The following PRDM16 variants were observed in gnomAD, a reference collection of about 807,000 sequenced individuals.
PRDM16 encodes the protein PR/SET domain 16, also known as histone-lysine N-methyltransferase PRDM16.
In PRDM16, 23 loss-of-function variants were observed where a neutral mutation model predicts 110.6. The observed-to-expected ratio is 0.21, with a 90% CI of 0.15 to 0.29. The LOEUF (loss-of-function observed/expected upper bound fraction) is 0.29. Among genes scored for constraint, PRDM16 ranks in the 10% least tolerant of loss-of-function variants. The probability of loss-of-function intolerance (pLI) is 1.00; values close to 1 mark genes in which losing one functional copy is unlikely to be tolerated. For synonymous variants in PRDM16, 799 were observed against 781.8 expected (o/e 1.02, Z -0.37); for missense variants, 1,615 against 1,794.3 (o/e 0.90, Z 1.81).
rs541707156 is a variant in PRDM16 at position 3,092,660 on chromosome 1, G to A, written c.37+23364G>A. On this transcript the variant is annotated intron_variant, in intron 1 of 16. Transcript: ENST00000270722. ...TCTGTGGAGGGGTCTGCACAACTTC[G>A]TGCTGGATGGCGCCTGGGTGCGGGG... Among the ~76,000 whole-genome samples, 15 of 152,294 alleles carry A rather than the reference G, an allele frequency of 9.8e-5. No homozygotes were observed. The South Asian group carries it at 1.9e-3, about 19-fold the overall frequency.
At position 3,069,376 on chromosome 1, in the gene PRDM16, T is replaced by C. The variant is rs1641684652; in HGVS notation, c.37+80T>C. On this transcript the variant is annotated intron_variant, in intron 1 of 16. Transcript: ENST00000270722. The surrounding 1 kb of genome is among the most constrained non-coding windows in gnomAD (Gnocchi z 6.1). The stretch of plus-strand genomic sequence containing the variant: ...GGGGCGCCCGGGCCAGGGGTGCGCG[T>C]CGGGGCGCGGCCGGCGCGCCTGCGG... The C allele has an allele frequency of 3.8e-6, 2 of 526,766 alleles. No individual in the cohort carries two copies. The highest frequency in any genetic ancestry group is 4.8e-6 in the Non-Finnish European group (2 of 418,022). 32.6% of individuals were successfully genotyped at this position (526,766 alleles called of 1,614,324 possible). A position where few individuals can be genotyped will look rare whatever the true frequency, so the allele number is the denominator to read the frequency against.
intron 2 of PRDM16, among the ~76,000 whole-genome samples, chr1:3,239,813 G>A (rs1188669459): frequency 6.6e-6 from 1 of 151,928 alleles, no homozygotes; most frequent in African/African-American, 2.4e-5. Context: ...AGCCAGACAT[G>A]GTGGAGCATG....
At chr1:3,352,135 TC>T (rs1474805955) in intron 3 of PRDM16, among the ~76,000 whole-genome samples, 1 of 152,156 alleles carries the variant, frequency 6.6e-6, no homozygotes, top group Non-Finnish European at 1.5e-5. Flanking sequence ...CGGTGCATGG[TC>T]CACCTGCCTG....
At chr1:3,252,036 T>C (rs1569929512) in intron 3 of PRDM16, among the ~76,000 whole-genome samples, 1 of 152,178 alleles carries the variant, frequency 6.6e-6, no homozygotes. Flanking sequence ...TTATGCATGC[T>C]AGTGAGCCGG....
chr1:3,189,657 C>T (rs1157262703), intron 2 of PRDM16, among the ~76,000 whole-genome samples: 3 of 152,314 alleles, frequency 2.0e-5, no homozygotes, highest in Non-Finnish European at 2.9e-5. Flanking sequence ...GTAAAGATAA[C>T]AAGCAAAATC....
intron 1 of PRDM16, among the ~76,000 whole-genome samples, chr1:3,167,575 C>A (rs1643974447): frequency 1.4e-5 from 2 of 146,950 alleles, no homozygotes; most frequent in Admixed American, 1.3e-4. Flanking sequence ...CCTGCTCCTG[C>A]CATCCTCCCA....
At chr1:3,118,840 A>G (rs544025085) in intron 1 of PRDM16, among the ~76,000 whole-genome samples, 2 of 152,332 alleles carry the variant, frequency 1.3e-5, no homozygotes, top group African/African-American at 4.8e-5. Flanking sequence ...GTGCACTTGC[A>G]GGTGTTTGGA....
intron 3 of PRDM16, among the ~76,000 whole-genome samples, chr1:3,275,559 C>G (rs866873771): frequency 6.6e-6 from 1 of 152,172 alleles, no homozygotes; most frequent in South Asian, 2.1e-4. Flanking sequence ...ACGGGTCACC[C>G]TGTCCTGGTG....
chr1:3,324,296 C>T (rs1022317445), intron 3 of PRDM16, among the ~76,000 whole-genome samples: 2 of 152,144 alleles, frequency 1.3e-5, no homozygotes, highest in East Asian at 3.9e-4. Flanking sequence ...GCCTGCCGGG[C>T]TCACTCTCCT....
rs569964056 is a variant in PRDM16, at chr1:3,213,588, G to C, written c.387+27114G>C. ...GACACCTGGAACTCACTCTTTCTCC[G>C]AGGAACAGGAGCAAGTGCGGCATTC... On this transcript the variant is annotated intron_variant, in intron 2 of 16. Coordinates refer to ENST00000270722, the MANE Select transcript of PRDM16 (RefSeq NM_022114.4). This position sits in a 1 kb window ranked among gnomAD's most constrained non-coding sequence, Gnocchi z 5.3. Among the ~76,000 whole-genome samples the C allele has an allele frequency of 6.6e-6, 1 of 152,118 alleles. No homozygotes were observed. The highest frequency in any genetic ancestry group is 2.4e-5 in the African/African-American group (1 of 41,408).
Position 3,246,301 on chromosome 1 carries a change from G to C in PRDM16, c.438+2164G>C, listed in dbSNP as rs1042412027. The stretch of plus-strand genomic sequence containing the variant: ...CCAGGGGCCTACTTCCAAGTGCCCA[G>C]GGCAGCAGGCATCCCTCTGACGCAG... On this transcript the variant is annotated intron_variant, in intron 3 of 16. Transcript: ENST00000270722. This position sits in a 1 kb window ranked among gnomAD's most constrained non-coding sequence, Gnocchi z 5.2. 6.6e-6 allele frequency among the ~76,000 whole-genome samples: 1 copy of C among 152,212 alleles called. No individual in the cohort carries two copies. Among genetic ancestry groups the C allele is most frequent in the Non-Finnish European group, 1.5e-5 (1 of 68,036 alleles).
chr1:3,404,994 G>A (rs576163175), intron 7 of PRDM16, 108 bp downstream of exon 7: 119 of 1,261,358 alleles, frequency 9.4e-5, no homozygotes, highest in East Asian at 9.1e-4. Flanking sequence ...GATGGAGTGC[G>A]GCAGAGTGGG....
At position 3,213,489 on chromosome 1, in the gene PRDM16, C is replaced by T. The variant is rs774278420; in HGVS notation, c.387+27015C>T. Among the ~76,000 whole-genome samples the T allele has an allele frequency of 2.0e-5, 3 of 152,178 alleles. No homozygotes were observed. The highest frequency in any genetic ancestry group is 4.4e-5 in the Non-Finnish European group (3 of 68,040). On this transcript the variant is annotated intron_variant, in intron 2 of 16. Transcript: ENST00000270722. This position sits in a 1 kb window ranked among gnomAD's most constrained non-coding sequence, Gnocchi z 5.3. The stretch of plus-strand genomic sequence containing the variant: ...CAATCGGGCAGTCACCCCAGCTGTG[C>T]GGGTGCCCCCCTGGGTTTGGTTGTG...
chr1:3,261,989 G>T (rs988035513), intron 3 of PRDM16, among the ~76,000 whole-genome samples: 4 of 152,256 alleles, frequency 2.6e-5, no homozygotes, highest in Non-Finnish European at 5.9e-5. Context: ...GCTGCCCTTG[G>T]AGCTGAATGG....
At chr1:3,224,465 G>A (rs879362395) in intron 2 of PRDM16, among the ~76,000 whole-genome samples, 1 of 151,680 alleles carries the variant, frequency 6.6e-6, no homozygotes, top group African/African-American at 2.4e-5. Context: ...CTCCCCTTCC[G>A]CATGTGCCCA....
chr1:3,360,744 G>A (rs1213111133), intron 3 of PRDM16, among the ~76,000 whole-genome samples: 1 of 152,214 alleles, frequency 6.6e-6, no homozygotes, highest in Non-Finnish European at 1.5e-5. Flanking sequence ...CGGGACAGGA[G>A]TCCAACTGAC....
chr1:3,373,717 C>A (rs1642945444), intron 3 of PRDM16, among the ~76,000 whole-genome samples: 1 of 152,166 alleles, frequency 6.6e-6, no homozygotes, highest in South Asian at 2.1e-4. Flanking sequence ...AGCAGCCTGG[C>A]CCCGTGTGGC....
intron 1 of PRDM16, among the ~76,000 whole-genome samples, chr1:3,155,301 A>T (rs1643841475): frequency 1.3e-5 from 2 of 152,204 alleles, no homozygotes; most frequent in African/African-American, 4.8e-5. Flanking sequence ...AGAAAATAAA[A>T]TAGGGGAAAG....
chr1:3,387,137 G>A (rs1643214031), intron 4 of PRDM16, among the ~76,000 whole-genome samples: 1 of 152,168 alleles, frequency 6.6e-6, no homozygotes, highest in Non-Finnish European at 1.5e-5. Context: ...CTTTTTGCCA[G>A]GATGGAAGAA....
Sources: allele counts gnomAD v4.1 joint callset (sites outside exome capture counted in the v4.1 genomes callset), GRCh38; gene constraint gnomAD v4.1.1; non-coding constraint Gnocchi (gnomAD v3.1); transcripts MANE v1.5; gene names NCBI Gene and HGNC (gene_info 2026-07-23, HGNC 2026-07-21).